CCNL2: variants seen among roughly 807,000 people sequenced by gnomAD.
CCNL2 encodes cyclin-L2.
A neutral mutation model predicts 59.1 loss-of-function variants in CCNL2; 28 were observed. The observed-to-expected ratio is 0.47, with a 90% CI of 0.35 to 0.65. The LOEUF (loss-of-function observed/expected upper bound fraction) is 0.65, where lower values mean the gene tolerates loss of function less well. Among genes scored for constraint, CCNL2 ranks in the 30% least tolerant of loss-of-function variants. CCNL2 has a pLI of 0.00. For synonymous variants in CCNL2, 342 were observed against 288.6 expected (o/e 1.19, Z -1.88); for missense variants, 714 against 717.4 (o/e 1.00, Z 0.05).
chr1:1,387,262 TC>T lies in CCNL2; in HGVS notation c.1531del (p.Asp511ThrfsTer16). ...CCGATGCCTGCTGTGCCCAGGGTGG[TC>T]CCGCTCATAGCGACGGCCTGTGCGT... ...YERTGRRYER[D>X]HPGHSRHRR On this transcript the variant is annotated frameshift_variant, in exon 11 of 11. Coordinates refer to ENST00000400809, the MANE Select transcript of CCNL2 (RefSeq NM_030937.6). LOFTEE classifies it high-confidence loss of function. The T allele has an allele frequency of 6.2e-7, 1 of 1,610,150 alleles. No individual in the cohort carries two copies. The highest frequency in any genetic ancestry group is 8.5e-7 in the Non-Finnish European group (1 of 1,179,914).
intron 4 of CCNL2, among the ~76,000 whole-genome samples, chr1:1,394,754 A>G (rs1471172764): frequency 2.9e-5 from 4 of 139,234 alleles, no homozygotes; most frequent in African/African-American, 8.9e-5. Flanking sequence ...CGTCTCAAGA[A>G]AAAAAAAAAA....
chr1:1,390,431 T>C (rs1437963886), intron 7 of CCNL2, 28 bp downstream of exon 7: 1 of 1,612,602 alleles, frequency 6.2e-7, no homozygotes, highest in Non-Finnish European at 8.5e-7. Context: ...CACAAACGCA[T>C]ACGTTACATG....
intron 10 of CCNL2, 86 bp from the exon 11 acceptor site, chr1:1,387,668 C>A (rs1225925367): frequency 5.0e-6 from 7 of 1,403,930 alleles, no homozygotes; most frequent in Non-Finnish European, 5.8e-6. Context: ...ACAAGACACA[C>A]AAGCTCCAGG....
At chr1:1,387,739 C>G (rs1350357867) in intron 10 of CCNL2, 38 bp downstream of exon 10, 1 of 1,549,276 alleles carries the variant, frequency 6.5e-7, no homozygotes, top group Non-Finnish European at 8.8e-7. Context: ...CAGCCCCACC[C>G]CGGTATCGGC....
chr1:1,387,882 C>T lies in CCNL2; in HGVS notation c.1119-13G>A, dbSNP rs762581855. ...CCCCTTTGGCAAGCTGTGAACAGGA[C>T]AGGAGCCAGTTACAAAGCAGAAGTC... is the stretch of plus-strand genomic sequence containing the variant. On this transcript the variant is annotated splice_polypyrimidine_tract_variant and intron_variant, in intron 9 of 10. Coordinates refer to ENST00000400809, the MANE Select transcript of CCNL2 (RefSeq NM_030937.6). 1.1e-5 allele frequency: 17 copies of T among 1,613,864 alleles called. No individual in the cohort carries two copies. The highest frequency in any genetic ancestry group is 1.4e-5 in the Non-Finnish European group (17 of 1,179,996).
At position 1,390,689 on chromosome 1, in the gene CCNL2, A is replaced by T. The variant is rs376878356; in HGVS notation, c.759+77T>A. On this transcript the variant is annotated intron_variant, in intron 6 of 10. Transcript: ENST00000400809. ...GGCCCAGATTAGAGTAATTTGAAGAATAACACAGTAAAGTTTACTGGAGGC... is the reference window on the plus strand; with the variant it reads ...GGCCCAGATTAGAGTAATTTGAAGATTAACACAGTAAAGTTTACTGGAGGC... 143 of 1,505,842 alleles carry T rather than the reference A, an allele frequency of 9.5e-5. No individual in the cohort carries two copies. The African/African-American group carries it at 1.5e-3, about 16-fold the overall frequency. The allele number at this position is 1,505,842 out of a possible 1,614,324, so 93.3% of individuals were successfully genotyped here.
At chr1:1,398,763 G>C (rs745408868) in intron 1 of CCNL2, 92 bp from the exon 2 acceptor site, 23 of 1,297,830 alleles carry the variant, frequency 1.8e-5, no homozygotes, top group Admixed American at 1.8e-4. Context: ...TCCCCACGCA[G>C]AACCAAACAC....
In CCNL2 at chr1:1,393,200, A is replaced by G. The variant is rs1485904548; in HGVS notation, c.659+196T>C. The G allele has an allele frequency of 2.6e-4, 154 of 598,768 alleles. 1 individual carries two copies. The highest frequency in any genetic ancestry group is 5.4e-5 in the Non-Finnish European group (18 of 334,434). The allele number at this position is 598,768 out of a possible 1,614,324, so 37.1% of individuals were successfully genotyped here. On this transcript the variant is annotated intron_variant, in intron 5 of 10. Coordinates refer to ENST00000400809, the MANE Select transcript of CCNL2 (RefSeq NM_030937.6). ...GGAAGTCCAGGCTTGCAGGGAGGGGACGGGCCACCTACCGTGACTGCCAGT... is the reference window on the plus strand; with the variant it reads ...GGAAGTCCAGGCTTGCAGGGAGGGGGCGGGCCACCTACCGTGACTGCCAGT...
intron 4 of CCNL2, 79 bp downstream of exon 4, chr1:1,395,304 CAGAGCCTTCAA>C: frequency 6.8e-7 from 1 of 1,474,050 alleles, no homozygotes; most frequent in South Asian, 1.2e-5. Context: ...CAGTCCTCTT[CAGAGCCTTCAA>C]CTGCACTGAG....
chr1:1,389,500 G>C (rs144816000), intron 8 of CCNL2: 1 of 152,340 alleles, frequency 6.6e-6, no homozygotes, highest in African/African-American at 2.4e-5. Flanking sequence ...ATAAACAAAA[G>C]CATTTCAGAC....
intron 5 of CCNL2, chr1:1,392,705 G>A (rs1644821794): frequency 1.3e-6 from 2 of 1,581,702 alleles, no homozygotes; most frequent in Non-Finnish European, 1.7e-6. Flanking sequence ...GCCTTCGGTG[G>A]AGAGCCTGCA....
At chr1:1,390,641 C>T in intron 6 of CCNL2, 78 bp from the exon 7 acceptor site, 1 of 1,478,598 alleles carries the variant, frequency 6.8e-7, no homozygotes, top group Non-Finnish European at 9.4e-7. Context: ...TAAAAAACAG[C>T]CTGTTGGTCA....
At chr1:1,397,303 GT>G (rs201937714) in intron 3 of CCNL2, among the ~76,000 whole-genome samples, 19 of 151,660 alleles carry the variant, frequency 1.3e-4, no homozygotes, top group African/African-American at 4.6e-4. Context: ...ACAGACTTTC[GT>G]TTTTTTTGGA....
chr1:1,395,001 TCCACTG>T (rs1297460539), intron 4 of CCNL2, among the ~76,000 whole-genome samples: 1 of 151,398 alleles, frequency 6.6e-6, no homozygotes, highest in Non-Finnish European at 1.5e-5. Flanking sequence ...AGGTTGTGCC[TCCACTG>T]CCACTGCCAC....
At chr1:1,389,916 G>A (rs982963948) in intron 8 of CCNL2, among the ~76,000 whole-genome samples, 7 of 151,796 alleles carry the variant, frequency 4.6e-5, no homozygotes, top group African/African-American at 7.3e-5. Context: ...AGGAAATTGC[G>A]CCACTGCACT....
chr1:1,394,615 T>C (rs1273336920), intron 4 of CCNL2, among the ~76,000 whole-genome samples: 5 of 151,888 alleles, frequency 3.3e-5, no homozygotes, highest in African/African-American at 9.7e-5. Context: ...CCAGGTGTGG[T>C]GGCGCATGCC....
intron 4 of CCNL2, among the ~76,000 whole-genome samples, chr1:1,393,855 A>G (rs563314875): frequency 6.6e-6 from 1 of 152,360 alleles, no homozygotes; most frequent in South Asian, 2.1e-4. Context: ...GGCCAGGCAC[A>G]CTGGCTCATG....
At chr1:1,387,917 A>C (rs1557708679) in intron 9 of CCNL2, 37 bp downstream of exon 9, 2 of 1,613,422 alleles carry the variant, frequency 1.2e-6, no homozygotes, top group Non-Finnish European at 1.7e-6. Context: ...CCCTCCAGCC[A>C]ACCCTGACAG....
chr1:1,388,256 C>G (rs1047669693), intron 8 of CCNL2, 191 bp from the exon 9 acceptor site: 5 of 586,656 alleles, frequency 8.5e-6, no homozygotes, highest in Non-Finnish European at 1.5e-5. Flanking sequence ...GACGCGGGGG[C>G]TCACGCCTGT....
Sources: gnomAD v4.1 joint callset for allele counts (sites outside exome capture counted in the v4.1 genomes callset) on GRCh38, gnomAD v4.1.1 for gene constraint, MANE v1.5 for transcripts, NCBI Gene and HGNC (gene_info 2026-07-23, HGNC 2026-07-21) for gene names.